EXOC6B: variants seen among roughly 807,000 people sequenced by gnomAD.
EXOC6B encodes the protein SEC15 homolog B.
A neutral mutation model predicts 113.5 loss-of-function variants in EXOC6B; 54 were observed. That is an observed-to-expected ratio of 0.48 (90% CI 0.38 to 0.60). The LOEUF (loss-of-function observed/expected upper bound fraction) is 0.60. Among genes scored for constraint, EXOC6B ranks in the 20% least tolerant of loss-of-function variants. The pLI is 0.00. For missense variants in EXOC6B, 797 were observed against 977.5 expected (o/e 0.82, Z 2.46); for synonymous variants, 357 against 339.0 (o/e 1.05, Z -0.58).
At chr2:72,631,701 C>T (rs558841479) in intron 6 of EXOC6B, among the ~76,000 whole-genome samples, 2 of 151,878 alleles carry the variant, frequency 1.3e-5, no homozygotes, top group Admixed American at 6.6e-5. Flanking sequence ...AATGGGGTTT[C>T]GCCATGTTGT....
chr2:72,401,621 AC>A (rs2105169662), intron 18 of EXOC6B, among the ~76,000 whole-genome samples: 1 of 42,858 alleles, frequency 2.3e-5, no homozygotes, highest in Admixed American at 3.2e-4. Context: ...ATATATATAT[AC>A]ATATATATAT....
chr2:72,589,528 A>G (rs920428894), intron 6 of EXOC6B, among the ~76,000 whole-genome samples: 2 of 81,580 alleles, frequency 2.5e-5, no homozygotes, highest in Non-Finnish European at 7.2e-5. Flanking sequence ...AACACATTCC[A>G]GGAAAAAAAA....
intron 5 of EXOC6B, among the ~76,000 whole-genome samples, chr2:72,727,411 G>C (rs998094019): frequency 6.6e-6 from 1 of 152,040 alleles, no homozygotes; most frequent in Non-Finnish European, 1.5e-5. Context: ...AGTCATGAAA[G>C]GCAAGGAAAG....
At chr2:72,635,055 T>C (rs185228016) in intron 6 of EXOC6B, among the ~76,000 whole-genome samples, 7 of 152,124 alleles carry the variant, frequency 4.6e-5, no homozygotes, top group African/African-American at 1.7e-4. Context: ...ATTAGTAGGA[T>C]ATAGCTAATG....
chr2:72,552,804 A>C (rs538420030), intron 8 of EXOC6B, among the ~76,000 whole-genome samples: 2 of 152,066 alleles, frequency 1.3e-5, no homozygotes, highest in South Asian at 4.1e-4. Flanking sequence ...ATAGAAAACT[A>C]ATTCAATAAA....
chr2:72,731,499 A>C (rs1680645481), intron 3 of EXOC6B, among the ~76,000 whole-genome samples: 3 of 152,246 alleles, frequency 2.0e-5, no homozygotes. Flanking sequence ...AGGGTTATCC[A>C]GGAGAAAAAA....
intron 20 of EXOC6B, among the ~76,000 whole-genome samples, chr2:72,305,705 G>A (rs1186789785): frequency 6.6e-6 from 1 of 151,998 alleles, no homozygotes; most frequent in Non-Finnish European, 1.5e-5. Context: ...TGATTAAATA[G>A]TTATATAAAG....
At chr2:72,524,082 C>T (rs1423228443) in intron 8 of EXOC6B, among the ~76,000 whole-genome samples, 1 of 151,350 alleles carries the variant, frequency 6.6e-6, no homozygotes, top group African/African-American at 2.4e-5. Flanking sequence ...ATTTCACCAC[C>T]CTGACTGCAG....
chr2:72,230,558 T>A (rs1365750216), intron 20 of EXOC6B, among the ~76,000 whole-genome samples: 1 of 152,182 alleles, frequency 6.6e-6, no homozygotes, highest in Non-Finnish European at 1.5e-5. Flanking sequence ...ATCCCCTGCA[T>A]TCTAACATTT....
intron 6 of EXOC6B, among the ~76,000 whole-genome samples, chr2:72,591,482 A>G (rs1705957126): frequency 6.6e-6 from 1 of 152,168 alleles, no homozygotes; most frequent in Non-Finnish European, 1.5e-5. Flanking sequence ...CAGCCTTTCT[A>G]TAAGAAGAAA....
intron 20 of EXOC6B, among the ~76,000 whole-genome samples, chr2:72,244,210 A>G (rs1033338457): frequency 1.6e-4 from 25 of 152,212 alleles, no homozygotes; most frequent in African/African-American, 6.0e-4. Context: ...TGCTCTAATA[A>G]TGCCATAATG....
chr2:72,812,069 A>C (rs981678755), intron 1 of EXOC6B, among the ~76,000 whole-genome samples: 8 of 152,212 alleles, frequency 5.3e-5, no homozygotes, highest in African/African-American at 1.9e-4. Context: ...AAAGGCATAA[A>C]AATTGGAAAA....
chr2:72,495,883 C>CA (rs1444008446), intron 14 of EXOC6B, among the ~76,000 whole-genome samples: 1 of 152,162 alleles, frequency 6.6e-6, no homozygotes, highest in African/African-American at 2.4e-5. Flanking sequence ...ATATACTACA[C>CA]AATTCCATTT....
At chr2:72,558,228 C>A (rs958374353) in intron 8 of EXOC6B, among the ~76,000 whole-genome samples, 12 of 150,844 alleles carry the variant, frequency 8.0e-5, no homozygotes, top group Admixed American at 6.6e-5. Context: ...ATTTTAACCA[C>A]CTATTTAAAA....
At chr2:72,698,023 A>G (rs1408078007) in intron 6 of EXOC6B, among the ~76,000 whole-genome samples, 1 of 152,208 alleles carries the variant, frequency 6.6e-6, no homozygotes, top group African/African-American at 2.4e-5. Flanking sequence ...AGAGACAGGA[A>G]ATAAGAGAAG....
In EXOC6B at chr2:72,525,085, C is replaced by A. The variant is rs904806210; in HGVS notation, c.916-9959G>T. Reference sequence around the variant, plus strand: ...AAGCATGAGCCATAGGAGAGCATCCCCTCCGGGGACCGACAGAGTCTGCAG... The same window carrying A: ...AAGCATGAGCCATAGGAGAGCATCCACTCCGGGGACCGACAGAGTCTGCAG... On this transcript the variant is annotated intron_variant, in intron 8 of 21. Coordinates refer to ENST00000272427, the MANE Select transcript of EXOC6B (RefSeq NM_015189.3). Among the ~76,000 whole-genome samples, 3 of 152,202 alleles carry A rather than the reference C, an allele frequency of 2.0e-5. No individual in the cohort carries two copies. In the East Asian group the frequency reaches 5.8e-4, roughly 29 times the overall value.
intron 20 of EXOC6B, among the ~76,000 whole-genome samples, chr2:72,333,149 C>G (rs1043357385): frequency 2.6e-5 from 4 of 151,808 alleles, no homozygotes; most frequent in African/African-American, 7.3e-5. Context: ...ACTATTAAAA[C>G]ATTATAAAAG....
chr2:72,504,135 T>A (rs1001798587), intron 11 of EXOC6B, among the ~76,000 whole-genome samples: 11 of 152,150 alleles, frequency 7.2e-5, no homozygotes, highest in Admixed American at 7.2e-4. Context: ...TTCAAACTCC[T>A]GGAATCAAGT....
At chr2:72,751,083 T>C (rs189450445) in intron 1 of EXOC6B, among the ~76,000 whole-genome samples, 62 of 152,078 alleles carry the variant, frequency 4.1e-4, no homozygotes, top group Non-Finnish European at 7.7e-4. Context: ...AAAATGAATA[T>C]ATGAACCCAA....
Sources: gnomAD v4.1 joint callset for allele counts (sites outside exome capture counted in the v4.1 genomes callset) on GRCh38, gnomAD v4.1.1 for gene constraint, MANE v1.5 for transcripts, NCBI Gene and HGNC (gene_info 2026-07-23, HGNC 2026-07-21) for gene names.